Variants in CNTN4 observed in about 807,000 individuals in gnomAD.
The protein encoded by CNTN4 is contactin-4.
In CNTN4, 77 loss-of-function variants were observed where a neutral mutation model predicts 122.5. The ratio of observed to expected loss-of-function variants is 0.63; its 90% CI spans 0.52 to 0.76. The LOEUF (loss-of-function observed/expected upper bound fraction) is 0.76. Ranked by LOEUF, CNTN4 falls within the 30% of genes least tolerant of loss-of-function variation. The pLI is 0.00. For synonymous variants in CNTN4, 512 were observed against 447.0 expected, an observed-to-expected ratio of 1.15 and a Z score of -1.83; for missense variants, 1,256 against 1,259.1, an observed-to-expected ratio of 1.00 and a Z score of 0.04.
At chr3:2,877,380 C>A (rs911702426) in intron 8 of CNTN4, among the ~76,000 whole-genome samples, 7 of 152,212 alleles carry the variant, frequency 4.6e-5, no homozygotes, top group African/African-American at 1.4e-4. Flanking sequence ...ACCTTCATTA[C>A]TATTGTTGTA....
At chr3:2,846,942 G>A (rs887358515) in intron 7 of CNTN4, among the ~76,000 whole-genome samples, 4 of 152,084 alleles carry the variant, frequency 2.6e-5, no homozygotes, top group African/African-American at 7.2e-5. Flanking sequence ...GGCTGCAGCC[G>A]AGATCGCACC....
At chr3:2,822,090 G>A (rs963895790) in intron 7 of CNTN4, among the ~76,000 whole-genome samples, 5 of 152,178 alleles carry the variant, frequency 3.3e-5, no homozygotes, top group African/African-American at 1.2e-4. Context: ...CAGGGACAAG[G>A]AATTGTTAGG....
At chr3:2,685,125 A>G (rs1001974348) in intron 4 of CNTN4, among the ~76,000 whole-genome samples, 20 of 152,190 alleles carry the variant, frequency 1.3e-4, no homozygotes, top group South Asian at 4.1e-4. Context: ...TTGTGTCTAC[A>G]TTAGCTACCA....
chr3:2,522,253 A>G (rs1224993223), intron 3 of CNTN4, among the ~76,000 whole-genome samples: 2 of 152,004 alleles, frequency 1.3e-5, no homozygotes, highest in Non-Finnish European at 2.9e-5. Flanking sequence ...TCCATAGTCT[A>G]GAAACATGCC....
At chr3:2,735,294 G>A (rs1370414070) in intron 4 of CNTN4, among the ~76,000 whole-genome samples, 1 of 152,206 alleles carries the variant, frequency 6.6e-6, no homozygotes, top group Non-Finnish European at 1.5e-5. Context: ...GGCGTAAGCG[G>A]CGAGATGCAT....
chr3:2,143,101 CTG>C (rs1247520154), intron 2 of CNTN4, among the ~76,000 whole-genome samples: 2 of 152,202 alleles, frequency 1.3e-5, no homozygotes, highest in Non-Finnish European at 2.9e-5. Context: ...GGATGGTTCA[CTG>C]TACTGCCGTG....
chr3:2,933,547 T>A (rs972359938), intron 13 of CNTN4, among the ~76,000 whole-genome samples: 2 of 152,152 alleles, frequency 1.3e-5, no homozygotes, highest in African/African-American at 4.8e-5. Context: ...GCTTAACTTT[T>A]TCTTTGGCAT....
At chr3:3,023,498 C>T (rs547263956) in intron 14 of CNTN4, among the ~76,000 whole-genome samples, 1 of 152,298 alleles carries the variant, frequency 6.6e-6, no homozygotes, top group Admixed American at 6.5e-5. Flanking sequence ...AAATGTCATT[C>T]AGAAACGTGA....
At chr3:2,725,595 G>C (rs2088170720) in intron 4 of CNTN4, among the ~76,000 whole-genome samples, 1 of 152,234 alleles carries the variant, frequency 6.6e-6, no homozygotes, top group Non-Finnish European at 1.5e-5. Flanking sequence ...TCCTGTAGTG[G>C]GGAAGGGCCT....
In CNTN4 at chr3:2,161,641, A is replaced by G. The variant is rs377523384; in HGVS notation, c.-145+61002A>G. 1.2e-3 allele frequency among the ~76,000 whole-genome samples: 188 copies of G among 152,294 alleles called. 2 individuals are homozygous for G. The highest frequency in any genetic ancestry group is 4.2e-3 in the African/African-American group (176 of 41,580). On this transcript the variant is annotated intron_variant, in intron 2 of 24. Transcript: ENST00000418658. ...TTTTTCCTGGTGAAATAAAGCACGG[A>G]GGAGTTCTGAGTTCTGGAAAAAGAC...
chr3:2,430,484 G>A (rs1423928831), intron 3 of CNTN4, among the ~76,000 whole-genome samples: 2 of 151,398 alleles, frequency 1.3e-5, no homozygotes, highest in African/African-American at 4.8e-5. Flanking sequence ...CTTACACTGG[G>A]AGCTGTAGGC....
chr3:2,393,829 C>G (rs1271991133), intron 3 of CNTN4, among the ~76,000 whole-genome samples: 1 of 151,824 alleles, frequency 6.6e-6, no homozygotes, highest in Non-Finnish European at 1.5e-5. Context: ...CTGAGATAAC[C>G]TTTAGACAGG....
At chr3:2,524,496 G>A (rs2077330996) in intron 3 of CNTN4, among the ~76,000 whole-genome samples, 1 of 152,078 alleles carries the variant, frequency 6.6e-6, no homozygotes, top group Admixed American at 6.6e-5. Context: ...GAATTGATGA[G>A]TCAGAACCGA....
intron 8 of CNTN4, among the ~76,000 whole-genome samples, chr3:2,879,951 G>A (rs1046923731): frequency 6.6e-6 from 1 of 152,192 alleles, no homozygotes; most frequent in Admixed American, 6.5e-5. Flanking sequence ...GTGGGCTAGA[G>A]AGTAGGGCCT....
intron 4 of CNTN4, among the ~76,000 whole-genome samples, chr3:2,627,185 T>A (rs977519949): frequency 2.6e-5 from 4 of 152,144 alleles, no homozygotes; most frequent in African/African-American, 7.2e-5. Context: ...TCACCCTACT[T>A]TGAGGGCAAG....
At chr3:2,710,624 A>C (rs543237572) in intron 4 of CNTN4, among the ~76,000 whole-genome samples, 1 of 152,178 alleles carries the variant, frequency 6.6e-6, no homozygotes, top group African/African-American at 2.4e-5. Context: ...TCTGTCTTCA[A>C]CTAATTTTAG....
At chr3:2,115,250 G>A (rs1358991695) in intron 2 of CNTN4, among the ~76,000 whole-genome samples, 1 of 152,212 alleles carries the variant, frequency 6.6e-6, no homozygotes, top group South Asian at 2.1e-4. Context: ...GCTTTTTACT[G>A]TGTCAGTGTC....
chr3:2,837,835 T>C (rs1358091661), intron 7 of CNTN4, among the ~76,000 whole-genome samples: 2 of 152,200 alleles, frequency 1.3e-5, no homozygotes, highest in Non-Finnish European at 2.9e-5. Context: ...AAATATGTCA[T>C]GCTTTAGTTG....
intron 3 of CNTN4, among the ~76,000 whole-genome samples, chr3:2,557,581 T>C (rs1240870457): frequency 1.3e-5 from 2 of 151,904 alleles, no homozygotes; most frequent in Non-Finnish European, 2.9e-5. Context: ...CAAAACAAAT[T>C]AGCTGGGCGT....
Sources: allele counts gnomAD v4.1 joint callset (sites outside exome capture counted in the v4.1 genomes callset), GRCh38; gene constraint gnomAD v4.1.1; transcripts MANE v1.5; gene names NCBI Gene and HGNC (gene_info 2026-07-23, HGNC 2026-07-21).